Variants in BTF3L4 observed in about 807,000 individuals in gnomAD.
BTF3L4 encodes basic transcription factor 3 like 4.
In BTF3L4, 6 loss-of-function variants were observed where a neutral mutation model predicts 16.8. That is an observed-to-expected ratio of 0.36 (90% CI 0.20 to 0.71). The LOEUF is 0.71. Ranked by LOEUF, BTF3L4 falls within the 30% of genes least tolerant of loss-of-function variation. The probability of loss-of-function intolerance (pLI) is 0.58; values close to 1 mark genes in which losing one functional copy is unlikely to be tolerated. For synonymous variants in BTF3L4, 39 were observed against 59.8 expected (o/e 0.65, Z 1.60); for missense variants, 92 against 186.9 (o/e 0.49, Z 2.96).
At chr1:52,078,139 G>A (rs145800363) in intron 3 of BTF3L4, among the ~76,000 whole-genome samples, 19 of 151,484 alleles carry the variant, frequency 1.3e-4, no homozygotes, top group African/African-American at 4.4e-4. Context: ...TCACAGCCTC[G>A]ACCTCCTAGG....
Position 52,088,671 on chromosome 1 carries a change from T to C in BTF3L4, c.*1913T>C, listed in dbSNP as rs1643993031. 3 of 152,164 alleles carry C rather than the reference T, an allele frequency of 2.0e-5. No homozygotes were observed. The South Asian group carries it at 6.2e-4, about 31-fold the overall frequency. 9.4% of individuals were successfully genotyped at this position (152,164 alleles called of 1,614,324 possible). ...ATAGCACATGAAAGAAAACACACAC[T>C]TGGAAGCCAGGAGACTTGTGTCCTA... On this transcript the variant is annotated 3_prime_UTR_variant, in exon 6 of 6. Coordinates refer to ENST00000313334, the MANE Select transcript of BTF3L4 (RefSeq NM_152265.5).
chr1:52,067,217 T>A lies in BTF3L4; in HGVS notation c.168+2279T>A, dbSNP rs569158713. On this transcript the variant is annotated intron_variant, in intron 3 of 5. Coordinates refer to ENST00000313334, the MANE Select transcript of BTF3L4 (RefSeq NM_152265.5). Reference sequence around the variant, plus strand: ...ATGTGAGACTCTGTCTGAAAAAAAATAATAATAATGTGGATAGAGATCATT... The same window carrying A: ...ATGTGAGACTCTGTCTGAAAAAAAAAAATAATAATGTGGATAGAGATCATT... 3.2e-3 allele frequency among the ~76,000 whole-genome samples: 492 copies of A among 152,116 alleles called. 3 individuals carry two copies. The highest frequency in any genetic ancestry group is 0.011 in the African/African-American group (461 of 41,510).
chr1:52,070,034 T>C (rs1044016929), intron 3 of BTF3L4, among the ~76,000 whole-genome samples: 1 of 152,046 alleles, frequency 6.6e-6, no homozygotes, highest in African/African-American at 2.4e-5. Context: ...CTGGCCAACA[T>C]GGTACAACAC....
chr1:52,064,183 ATTC>A (rs1686588095), intron 2 of BTF3L4, among the ~76,000 whole-genome samples: 1 of 152,144 alleles, frequency 6.6e-6, no homozygotes, highest in Non-Finnish European at 1.5e-5. Context: ...TGCTTTGATC[ATTC>A]TTGCCCTAGT....
At chr1:52,062,935 A>G (rs1686557002) in intron 2 of BTF3L4, among the ~76,000 whole-genome samples, 1 of 11,310 alleles carries the variant, frequency 8.8e-5, no homozygotes, top group Admixed American at 7.5e-4. Context: ...CGCAGCTCAC[A>G]ACGGTTCGCC....
chr1:52,071,365 AGC>A (rs992726852), intron 3 of BTF3L4: 5 of 152,202 alleles, frequency 3.3e-5, no homozygotes, highest in African/African-American at 1.2e-4. Context: ...TACTGCTGTT[AGC>A]CTAAGTTGCT....
rs1253144238 is a variant in BTF3L4 at position 52,080,898 on chromosome 1, G to A, written c.169-2442G>A. Among the ~76,000 whole-genome samples, 4 of 146,770 alleles carry A rather than the reference G, an allele frequency of 2.7e-5. No homozygotes were observed. The Admixed American group carries it at 2.8e-4, about 10-fold the overall frequency. ...CTCGGTAGCCAGGCTGGAATGCAGT[G>A]GCACAATCTCAGCTCACTGCAACCT... On this transcript the variant is annotated intron_variant, in intron 3 of 5. Transcript: ENST00000313334.
intron 1 of BTF3L4, among the ~76,000 whole-genome samples, chr1:52,057,006 A>G (rs1183285932): frequency 6.6e-6 from 1 of 152,230 alleles, no homozygotes; most frequent in Non-Finnish European, 1.5e-5. Context: ...AGTGGTAACA[A>G]TAGTTACCAG....
chr1:52,069,797 T>G (rs1276017020), intron 3 of BTF3L4, among the ~76,000 whole-genome samples: 1 of 152,200 alleles, frequency 6.6e-6, no homozygotes, highest in Non-Finnish European at 1.5e-5. Context: ...AAGTAAAGTG[T>G]TTCTCCATAC....
intron 1 of BTF3L4, 69 bp from the exon 2 acceptor site, chr1:52,059,766 C>G: frequency 1.5e-6 from 2 of 1,365,020 alleles, no homozygotes. Context: ...CCAGAAGGTA[C>G]TGTTGCATAA....
chr1:52,060,141 A>G (rs1259179504), intron 2 of BTF3L4, among the ~76,000 whole-genome samples: 1 of 152,208 alleles, frequency 6.6e-6, no homozygotes, highest in Non-Finnish European at 1.5e-5. Context: ...TGCTAGTTAT[A>G]TGATGTGAAC....
chr1:52,085,016 T>TTTTA (rs1643958447), intron 4 of BTF3L4, among the ~76,000 whole-genome samples: 1 of 119,590 alleles, frequency 8.4e-6, no homozygotes, highest in Non-Finnish European at 1.7e-5. Context: ...AAAAAATCTT[T>TTTTA]TTTTTTTTTT....
chr1:52,067,643 A>G (rs1389338154), intron 3 of BTF3L4, among the ~76,000 whole-genome samples: 1 of 152,252 alleles, frequency 6.6e-6, no homozygotes, highest in African/African-American at 2.4e-5. Context: ...TTAAAAATCT[A>G]AAACTTGGTA....
At chr1:52,073,076 G>T (rs921967323) in intron 3 of BTF3L4, among the ~76,000 whole-genome samples, 20 of 151,926 alleles carry the variant, frequency 1.3e-4, no homozygotes, top group African/African-American at 2.4e-4. Flanking sequence ...AAAAAAATTG[G>T]CTGGGCGTGG....
At chr1:52,060,375 C>T in intron 2 of BTF3L4, 1 of 921,592 alleles carries the variant, frequency 1.1e-6, no homozygotes, top group Non-Finnish European at 1.5e-6. Context: ...CCTACTTGTA[C>T]AGAGGTTTAG....
chr1:52,086,941 C>G lies in BTF3L4; in HGVS notation c.*183C>G. 6.6e-6 allele frequency: 3 copies of G among 455,990 alleles called. No individual in the cohort carries two copies. Among genetic ancestry groups the G allele is most frequent in the Non-Finnish European group, 1.2e-5 (3 of 252,808 alleles). The allele number at this position is 455,990 out of a possible 1,614,324, so 28.2% of individuals were successfully genotyped here. ...TGATTTTGCATTTTGCACTTCCTCC[C>G]AGGATATTTTTTTGGTCAAAATATG... On this transcript the variant is annotated 3_prime_UTR_variant, in exon 6 of 6. Transcript: ENST00000313334.
At chr1:52,076,501 CGTGAGGCGGAGGTCGCA>C (rs1404043711) in intron 3 of BTF3L4, among the ~76,000 whole-genome samples, 1 of 147,748 alleles carries the variant, frequency 6.8e-6, no homozygotes, top group Non-Finnish European at 1.5e-5. Context: ...CGCTTGAACC[CGTGAGGCGGAGGTCGCA>C]GTGAGCCGGA....
At chr1:52,075,540 C>T (rs1037836583) in intron 3 of BTF3L4, among the ~76,000 whole-genome samples, 4 of 143,680 alleles carry the variant, frequency 2.8e-5, no homozygotes. Flanking sequence ...AAAAAAAAAC[C>T]ATATATATAA....
intron 1 of BTF3L4, among the ~76,000 whole-genome samples, 174 bp downstream of exon 1, chr1:52,056,553 G>C (rs985876585): frequency 6.6e-6 from 1 of 152,248 alleles, no homozygotes. Context: ...GCGCAGCTGG[G>C]GGTCGGCACC....
Sources: allele counts gnomAD v4.1 joint callset (sites outside exome capture counted in the v4.1 genomes callset), GRCh38; gene constraint gnomAD v4.1.1; transcripts MANE v1.5; gene names NCBI Gene and HGNC (gene_info 2026-07-23, HGNC 2026-07-21).